The following RAPGEF2 variants were observed in gnomAD, a reference collection of about 807,000 sequenced individuals.
The protein encoded by RAPGEF2 is Rap guanine nucleotide exchange factor 2, also known as PDZ domain containing guanine nucleotide exchange factor (GEF) 1.
In RAPGEF2, 54 loss-of-function variants were observed where a neutral mutation model predicts 186.7. That is an observed-to-expected ratio of 0.29 (90% CI 0.23 to 0.36). The LOEUF (loss-of-function observed/expected upper bound fraction) is 0.36. Ranked by LOEUF, RAPGEF2 falls within the 10% of genes least tolerant of loss-of-function variation. RAPGEF2 has a pLI of 1.00. For missense variants in RAPGEF2, 1,532 were observed against 2,045.0 expected (o/e 0.75, Z 4.84); for synonymous variants, 712 against 705.9 (o/e 1.01, Z -0.14).
intron 7 of RAPGEF2, among the ~76,000 whole-genome samples, chr4:159,259,707 G>GT (rs1246082074): frequency 3.3e-5 from 5 of 151,996 alleles, no homozygotes; most frequent in Admixed American, 2.0e-4. Context: ...ATTATTCATA[G>GT]TTTTTAGAGG....
chr4:159,199,256 G>A (rs1288766739), intron 3 of RAPGEF2, among the ~76,000 whole-genome samples: 1 of 151,956 alleles, frequency 6.6e-6, no homozygotes, highest in African/African-American at 2.4e-5. Context: ...ATGTACATAC[G>A]GAGATCCTTT....
At chr4:159,316,297 T>G (rs1347460397) in intron 9 of RAPGEF2, among the ~76,000 whole-genome samples, 1 of 152,186 alleles carries the variant, frequency 6.6e-6, no homozygotes, top group Non-Finnish European at 1.5e-5. Flanking sequence ...AACTAATGAT[T>G]AATGATTTTA....
chr4:159,293,155 ATATAAT>A lies in RAPGEF2; in HGVS notation c.544-11184_544-11179del, dbSNP rs143100648. 3.9e-3 allele frequency among the ~76,000 whole-genome samples: 590 copies of A among 152,320 alleles called. 5 individuals carry two copies. Among genetic ancestry groups the A allele is most frequent in the African/African-American group, 0.014 (573 of 41,580 alleles). On this transcript the variant is annotated intron_variant, in intron 7 of 29. Coordinates refer to ENST00000691494, the MANE Select transcript of RAPGEF2 (RefSeq NM_001394067.2). ...TCTATATATGTATTTTATGAAGATG[ATATAAT>A]TAAAATTATTCCTTTGGGAAATAAG...
chr4:159,283,223 A>T (rs1195707312), intron 7 of RAPGEF2, among the ~76,000 whole-genome samples: 2 of 152,092 alleles, frequency 1.3e-5, no homozygotes, highest in Non-Finnish European at 2.9e-5. Flanking sequence ...ATAAACGTCG[A>T]ATTTTTTTTT....
chr4:159,134,603 CA>C (rs1741482820), intron 1 of RAPGEF2, among the ~76,000 whole-genome samples: 1 of 152,188 alleles, frequency 6.6e-6, no homozygotes, highest in Admixed American at 6.5e-5. Flanking sequence ...CAGCAATGTA[CA>C]AAAGTTTCAG....
rs767812495 is a variant in RAPGEF2, at chr4:159,342,952, ATACCATGTTT to A, written c.2919-26_2919-17del. The A allele has an allele frequency of 3.8e-6, 6 of 1,592,732 alleles. No individual in the cohort carries two copies. In the Admixed American group the frequency reaches 8.4e-5, roughly 22 times the overall value. The stretch of plus-strand genomic sequence containing the variant: ...TGTACACTATTTTACTTTAGTTGTT[ATACCATGTTT>A]CTTTTTCTCCTCTCAGTGGCCTAAA... On this transcript the variant is annotated splice_polypyrimidine_tract_variant and intron_variant, in intron 20 of 29. Coordinates refer to ENST00000691494, the MANE Select transcript of RAPGEF2 (RefSeq NM_001394067.2).
At chr4:159,269,489 C>G (rs1757838716) in intron 7 of RAPGEF2, among the ~76,000 whole-genome samples, 1 of 152,104 alleles carries the variant, frequency 6.6e-6, no homozygotes, top group African/African-American at 2.4e-5. Flanking sequence ...TAAAGAAGTT[C>G]CATTGTAGTT....
Position 159,346,786 on chromosome 4 carries a change from C to T in RAPGEF2, c.3503-3C>T. ...TCTATTTTCAAACCCAAACAATTAT[C>T]AGTGCCTAAGAATCCTGGTGACAAA... On this transcript the variant is annotated splice_polypyrimidine_tract_variant and splice_region_variant and intron_variant, in intron 24 of 29. Coordinates refer to ENST00000691494, the MANE Select transcript of RAPGEF2 (RefSeq NM_001394067.2). The T allele has an allele frequency of 6.2e-7, 1 of 1,612,640 alleles. No homozygotes were observed. The highest frequency in any genetic ancestry group is 8.5e-7 in the Non-Finnish European group (1 of 1,178,992).
intron 3 of RAPGEF2, among the ~76,000 whole-genome samples, chr4:159,196,271 T>C (rs1027878356): frequency 6.6e-6 from 1 of 152,216 alleles, no homozygotes; most frequent in African/African-American, 2.4e-5. Flanking sequence ...TTAAAAATTA[T>C]TGTATTTGTG....
chr4:159,263,958 G>A (rs994555822), intron 7 of RAPGEF2, among the ~76,000 whole-genome samples: 3 of 152,102 alleles, frequency 2.0e-5, no homozygotes, highest in Non-Finnish European at 4.4e-5. Flanking sequence ...TATTGACAGG[G>A]TAGAAAGTTC....
In RAPGEF2 at chr4:159,355,877, A is replaced by AGCG; in HGVS notation, c.4678_4679insGGC (p.Glu1559_Pro1560insArg). ...GCACGAAAGGAGGGCAGGTATCGAG[A>AGCG]GCCCCCGCCCACCCCTCCCGGCTAC... is the stretch of plus-strand genomic sequence containing the variant. On this transcript the variant is annotated inframe_insertion, in exon 29 of 30. Transcript: ENST00000691494. The AGCG allele has an allele frequency of 6.5e-6, 10 of 1,546,280 alleles. No individual in the cohort carries two copies. The highest frequency in any genetic ancestry group is 8.7e-6 in the Non-Finnish European group (10 of 1,143,102).
intron 1 of RAPGEF2, among the ~76,000 whole-genome samples, chr4:159,104,549 AGAGAGTGTGT>A (rs1437818237): frequency 7.6e-6 from 1 of 132,040 alleles, no homozygotes; most frequent in African/African-American, 3.2e-5. Flanking sequence ...AGAGAGAGAG[AGAGAGTGTGT>A]GTGTGTGTGT....
chr4:159,341,449 A>G (rs1219492755), intron 19 of RAPGEF2, 115 bp from the exon 20 acceptor site: 3 of 1,083,254 alleles, frequency 2.8e-6, no homozygotes, highest in Non-Finnish European at 2.6e-6. Flanking sequence ...GAAATCTTCC[A>G]TAATTCAAAT....
chr4:159,309,020 A>C (rs1763638263), intron 8 of RAPGEF2, among the ~76,000 whole-genome samples: 1 of 152,232 alleles, frequency 6.6e-6, no homozygotes, highest in Admixed American at 6.5e-5. Context: ...TGCTCTGTTA[A>C]GTAGCTTTCT....
intron 7 of RAPGEF2, among the ~76,000 whole-genome samples, 181 bp downstream of exon 7, chr4:159,243,972 A>G (rs567356636): frequency 6.6e-6 from 1 of 152,102 alleles, no homozygotes; most frequent in South Asian, 2.1e-4. Context: ...TGATCTGTAC[A>G]GACCTGGGGA....
chr4:159,352,164 A>G (rs1050340843), intron 26 of RAPGEF2, among the ~76,000 whole-genome samples: 1 of 152,262 alleles, frequency 6.6e-6, no homozygotes, highest in Non-Finnish European at 1.5e-5. Flanking sequence ...CCAAATGGCA[A>G]AAATTCAAAG....
At position 159,285,916 on chromosome 4, in the gene RAPGEF2, T is replaced by G. The variant is rs570636682; in HGVS notation, c.544-18426T>G. ...AAATGAGACATCAATTGGTTGATTA[T>G]AATTTTAAAAATTAAGACTCTATAT... On this transcript the variant is annotated intron_variant, in intron 7 of 29. Transcript: ENST00000691494. Among the ~76,000 whole-genome samples the G allele has an allele frequency of 1.1e-3, 164 of 152,292 alleles. 1 individual carries two copies. Among genetic ancestry groups the G allele is most frequent in the African/African-American group, 3.9e-3 (161 of 41,554 alleles).
intron 8 of RAPGEF2, among the ~76,000 whole-genome samples, chr4:159,307,833 T>G (rs539428498): frequency 6.6e-6 from 1 of 152,112 alleles, no homozygotes; most frequent in South Asian, 2.1e-4. Flanking sequence ...TAGCCAGGTG[T>G]AGTGGTGCAT....
At chr4:159,156,166 G>A (rs1023561275) in intron 1 of RAPGEF2, among the ~76,000 whole-genome samples, 10 of 152,118 alleles carry the variant, frequency 6.6e-5, no homozygotes, top group Non-Finnish European at 1.0e-4. Context: ...TTATATGAAG[G>A]CTTGATTGAG....
Sources: gnomAD v4.1 joint callset for allele counts (sites outside exome capture counted in the v4.1 genomes callset) on GRCh38, gnomAD v4.1.1 for gene constraint, MANE v1.5 for transcripts, NCBI Gene and HGNC (gene_info 2026-07-23, HGNC 2026-07-21) for gene names.